ZFP69B: variants seen among roughly 807,000 people sequenced by gnomAD.
The protein encoded by ZFP69B is zinc finger protein 69 homolog B.
ZFP69B carries 20 observed loss-of-function variants against 19.7 expected under a neutral mutation model. That is an observed-to-expected ratio of 1.02 (90% CI 0.71 to 1.48). The LOEUF (loss-of-function observed/expected upper bound fraction) is 1.48, where lower values mean the gene tolerates loss of function less well. Ranked by LOEUF, ZFP69B falls within the 40% of genes most tolerant of loss-of-function variation. The pLI is 0.00. For synonymous variants in ZFP69B, 220 were observed against 222.7 expected, an observed-to-expected ratio of 0.99 and a Z score of 0.11; for missense variants, 583 against 632.6, an observed-to-expected ratio of 0.92 and a Z score of 0.84.
chr1:40,454,602 G>A (rs192334429), intron 2 of ZFP69B, among the ~76,000 whole-genome samples: 58 of 152,230 alleles, frequency 3.8e-4, no homozygotes, highest in African/African-American at 1.4e-3. Flanking sequence ...GTTTCACCGT[G>A]TTAGGCAGAT....
rs1239028319 is a variant in ZFP69B at position 40,463,112 on chromosome 1, T to C, written c.1128T>C (p.Ile376=). 6.2e-7 allele frequency: 1 copy of C among 1,613,996 alleles called. No homozygotes were observed. The highest frequency in any genetic ancestry group is 1.3e-5 in the African/African-American group (1 of 74,910). ...RVCEKAFSQS[I]GLIQHLRTHV... Reference sequence around the variant, plus strand: ...GTGAGAAAGCCTTCAGCCAGAGCATTGGACTGATCCAGCATTTGAGAACTC... The same window carrying C: ...GTGAGAAAGCCTTCAGCCAGAGCATCGGACTGATCCAGCATTTGAGAACTC... The change falls in exon 5 of 5, where the codon ATT becomes ATC. Residue 376 remains isoleucine (I), a synonymous_variant. Transcript: ENST00000361584.
At chr1:40,453,544 A>G (rs1186667750) in intron 1 of ZFP69B, among the ~76,000 whole-genome samples, 1 of 152,178 alleles carries the variant, frequency 6.6e-6, no homozygotes, top group East Asian at 1.9e-4. Context: ...ACTGGGCCTG[A>G]AGGGTATCGC....
At position 40,450,979 on chromosome 1, in the gene ZFP69B, G is replaced by C. The variant is rs1208090858; in HGVS notation, c.18G>C (p.Leu6=). The change falls in exon 1 of 5, where the codon CTG becomes CTC. Residue 6 remains leucine, a synonymous_variant. Transcript: ENST00000361584. ...ACGCCGTCATGCTGCAGCAGCTCCT[G>C]ATCACCCTGCCCACCGAGGCCAGCA... MLQQL[L]ITLPTEASTW... is the part of the protein sequence containing the mutation. The C allele has an allele frequency of 2.6e-6, 4 of 1,550,218 alleles. No homozygotes were observed. In the South Asian group the frequency reaches 4.8e-5, roughly 18 times the overall value.
intron 1 of ZFP69B, among the ~76,000 whole-genome samples, chr1:40,453,112 C>T (rs1645201001): frequency 6.6e-6 from 1 of 152,014 alleles, no homozygotes; most frequent in African/African-American, 2.4e-5. Flanking sequence ...AGGCGCCTGC[C>T]ACCACGCCCA....
At chr1:40,460,645 G>T (rs1218035387) in intron 4 of ZFP69B, among the ~76,000 whole-genome samples, 1 of 151,628 alleles carries the variant, frequency 6.6e-6, no homozygotes, top group Non-Finnish European at 1.5e-5. Context: ...AGGAGTTCAA[G>T]ACCAGCCTGG....
At position 40,462,879 on chromosome 1, in the gene ZFP69B, A is replaced by G; in HGVS notation, c.895A>G (p.Arg299Gly). 6.2e-7 allele frequency: 1 copy of G among 1,614,214 alleles called. No homozygotes were observed. The highest frequency in any genetic ancestry group is 2.2e-5 in the East Asian group (1 of 44,880). ...KQLIHLTEHM[R>G]IHTGEKPFRC... ...GCTTATTCACCTTACTGAACACATG[A>G]GAATTCATACCGGGGAGAAACCTTT... The change falls in exon 5 of 5, where the codon AGA becomes GGA. Residue 299 changes from arginine (R) to glycine (G), a missense_variant. Arg to Gly is a moderately radical substitution (Grantham distance 125). Coordinates refer to ENST00000361584, the MANE Select transcript of ZFP69B (RefSeq NM_023070.3).
intron 1 of ZFP69B, among the ~76,000 whole-genome samples, chr1:40,452,608 A>ATG (rs1265934573): frequency 6.6e-6 from 1 of 152,234 alleles, no homozygotes; most frequent in East Asian, 1.9e-4. Context: ...ACCACTTTGA[A>ATG]TGTGTGAGCC....
chr1:40,454,004 A>T (rs1283293369), intron 1 of ZFP69B, among the ~76,000 whole-genome samples, 199 bp from the exon 2 acceptor site: 1 of 152,228 alleles, frequency 6.6e-6, no homozygotes, highest in Admixed American at 6.5e-5. Context: ...TACTAAGACC[A>T]TTGGGAAATA....
At chr1:40,457,195 C>T in intron 3 of ZFP69B, 124 bp downstream of exon 3, 1 of 1,514,868 alleles carries the variant, frequency 6.6e-7, no homozygotes, top group Non-Finnish European at 9.0e-7. Flanking sequence ...TTCTGAACAC[C>T]CAGTCAGGAT....
chr1:40,456,020 G>A (rs1357457506), intron 2 of ZFP69B, among the ~76,000 whole-genome samples: 1 of 152,100 alleles, frequency 6.6e-6, no homozygotes, highest in Admixed American at 6.6e-5. Flanking sequence ...TGGGCATTTG[G>A]GTTGGTTCCA....
intron 1 of ZFP69B, among the ~76,000 whole-genome samples, chr1:40,453,573 A>G (rs1005993584): frequency 2.6e-5 from 4 of 152,104 alleles, no homozygotes; most frequent in Non-Finnish European, 4.4e-5. Flanking sequence ...ACCAAATAGG[A>G]TTTGGGTGGG....
intron 2 of ZFP69B, among the ~76,000 whole-genome samples, chr1:40,455,336 G>A (rs1403366618): frequency 1.3e-5 from 2 of 152,132 alleles, no homozygotes; most frequent in Admixed American, 6.6e-5. Context: ...AGTTTAGAGT[G>A]ATCTTGGCTC....
chr1:40,451,692 T>G (rs952523398), intron 1 of ZFP69B, among the ~76,000 whole-genome samples: 3 of 151,684 alleles, frequency 2.0e-5, no homozygotes, highest in African/African-American at 7.3e-5. Context: ...TGGAGGTAAT[T>G]AATACACTGA....
chr1:40,453,104 G>A (rs1300256374), intron 1 of ZFP69B, among the ~76,000 whole-genome samples: 1 of 151,832 alleles, frequency 6.6e-6, no homozygotes, highest in Admixed American at 6.6e-5. Flanking sequence ...GGGATTACAG[G>A]CGCCTGCCAC....
intron 3 of ZFP69B, 94 bp downstream of exon 3, chr1:40,457,165 A>G (rs745573375): frequency 1.9e-6 from 3 of 1,578,752 alleles, no homozygotes; most frequent in African/African-American, 1.4e-5. Context: ...TCGGTTCTGT[A>G]TTAGAGGTTT....
At chr1:40,458,947 G>A (rs1645258706) in intron 4 of ZFP69B, among the ~76,000 whole-genome samples, 1 of 152,184 alleles carries the variant, frequency 6.6e-6, no homozygotes, top group African/African-American at 2.4e-5. Context: ...CATAGAATAA[G>A]TGAGGAGTTA....
intron 2 of ZFP69B, 54 bp from the exon 3 acceptor site, chr1:40,456,891 A>G (rs1645237878): frequency 7.0e-6 from 11 of 1,570,778 alleles, no homozygotes; most frequent in Non-Finnish European, 9.5e-6. Context: ...TCTAGACAAA[A>G]GTCAGAACAA....
In ZFP69B at chr1:40,450,839, G is replaced by A. The variant is rs992350623; in HGVS notation, c.-123G>A. On this transcript the variant is annotated 5_prime_UTR_variant, in exon 1 of 5. Transcript: ENST00000361584. ...AGGACATTGAGGAGTAGGAGTCGGC[G>A]ATTAAGGAGATCGGTACAATTGGGA... 5 of 1,163,826 alleles carry A rather than the reference G, an allele frequency of 4.3e-6. No individual in the cohort carries two copies. Among genetic ancestry groups the A allele is most frequent in the East Asian group, 6.3e-5 (2 of 31,800 alleles). The allele number at this position is 1,163,826 out of a possible 1,614,324, so 72.1% of individuals were successfully genotyped here. A position where few individuals can be genotyped will look rare whatever the true frequency, so the allele number is the denominator to read the frequency against.
intron 4 of ZFP69B, among the ~76,000 whole-genome samples, chr1:40,457,704 A>G (rs1401108556): frequency 2.6e-5 from 4 of 152,108 alleles, no homozygotes; most frequent in African/African-American, 7.2e-5. Flanking sequence ...TCTTTCTCCA[A>G]TATTCTAAAC....
Sources: allele counts gnomAD v4.1 joint callset (sites outside exome capture counted in the v4.1 genomes callset), GRCh38; gene constraint gnomAD v4.1.1; transcripts MANE v1.5; gene names NCBI Gene and HGNC (gene_info 2026-07-23, HGNC 2026-07-21).